Variants in ACACB observed in about 807,000 individuals in gnomAD.
ACACB encodes acetyl-CoA carboxylase beta.
ACACB carries 209 observed loss-of-function variants against 278.8 expected under a neutral mutation model. That is an observed-to-expected ratio of 0.75 (90% CI 0.67 to 0.84). The LOEUF (loss-of-function observed/expected upper bound fraction) is 0.84. Ranked by LOEUF, ACACB falls within the 40% of genes least tolerant of loss-of-function variation. The probability of loss-of-function intolerance (pLI) is 0.00; values close to 1 mark genes in which losing one functional copy is unlikely to be tolerated. For synonymous variants in ACACB, 1,174 were observed against 1,285.6 expected (o/e 0.91, Z 1.86); for missense variants, 2,850 against 3,269.0 (o/e 0.87, Z 3.13).
intron 49 of ACACB, 43 bp downstream of exon 49, chr12:109,262,512 G>A: frequency 7.7e-7 from 1 of 1,303,702 alleles, no homozygotes; most frequent in Non-Finnish European, 1.1e-6. Flanking sequence ...GGTCAAGAGA[G>A]GCCCAGCTGG....
At chr12:109,240,432 A>G (rs183224962) in intron 35 of ACACB, among the ~76,000 whole-genome samples, 4,341 of 152,054 alleles carry the variant, frequency 0.029, 73 homozygotes, top group Middle Eastern at 0.058. Flanking sequence ...TGAGGTGGGT[A>G]GATTGCTTGA....
intron 8 of ACACB, 33 bp from the exon 9 acceptor site, chr12:109,176,120 C>T (rs777225064): frequency 1.2e-6 from 2 of 1,613,334 alleles, no homozygotes; most frequent in Non-Finnish European, 8.5e-7. Context: ...ACTGGCTAAC[C>T]TCTAAAGAGG....
intron 40 of ACACB, 46 bp from the exon 41 acceptor site, chr12:109,249,938 T>C: frequency 6.4e-7 from 1 of 1,563,094 alleles, no homozygotes. Context: ...CACCTTGGAT[T>C]TTTTGGGGCT....
intron 45 of ACACB, among the ~76,000 whole-genome samples, chr12:109,257,631 C>A (rs1224619685): frequency 6.6e-6 from 1 of 152,168 alleles, no homozygotes; most frequent in East Asian, 1.9e-4. Flanking sequence ...AGTGCAGAGG[C>A]ATGATCGCTG....
At chr12:109,256,290 G>A (rs891106648) in intron 45 of ACACB, 54 bp downstream of exon 45, 6 of 1,503,600 alleles carry the variant, frequency 4.0e-6, no homozygotes, top group Middle Eastern at 1.7e-4. Flanking sequence ...AGGCATTGGG[G>A]CCCCGAGGTG....
At chr12:109,210,205 A>C (rs562087386) in intron 21 of ACACB, among the ~76,000 whole-genome samples, 1 of 72,972 alleles carries the variant, frequency 1.4e-5, no homozygotes, top group Non-Finnish European at 2.5e-5. Flanking sequence ...ATATGTATAT[A>C]TGTATATATA....
chr12:109,191,686 C>T lies in ACACB; in HGVS notation c.2218C>T (p.Leu740Phe), dbSNP rs1307369571. The T allele has an allele frequency of 6.2e-7, 1 of 1,614,032 alleles. No individual in the cohort carries two copies. The highest frequency in any genetic ancestry group is 1.1e-5 in the South Asian group (1 of 91,082). ...FRTTVEYLIN[L>F]LETESFQNND... ...GACTACCGTGGAATACCTCATTAAC[C>T]TCCTGGAGACCGAGAGCTTCCAGAA... Residue 740 changes from leucine (L) to phenylalanine (F), a missense_variant, in exon 14 of 53, where the codon CTC becomes TTC. This residue lies in a region of ACACB where 2,265 missense variants were observed against 2,561.3 expected (regional missense o/e 0.88). Coordinates refer to ENST00000338432, the MANE Select transcript of ACACB (RefSeq NM_001093.4).
At chr12:109,122,859 T>A (rs1250085289) in intron 1 of ACACB, among the ~76,000 whole-genome samples, 1 of 151,894 alleles carries the variant, frequency 6.6e-6, no homozygotes, top group East Asian at 1.9e-4. Context: ...ATACCCATTT[T>A]CCCTATATTA....
In ACACB at chr12:109,227,444, G is replaced by A. The variant is rs781720922; in HGVS notation, c.3956G>A (p.Cys1319Tyr). 1 of 1,614,002 alleles carries A rather than the reference G, an allele frequency of 6.2e-7. No homozygotes were observed. Among genetic ancestry groups the A allele is most frequent in the Non-Finnish European group, 8.5e-7 (1 of 1,179,978 alleles). Residue 1319 changes from cysteine to tyrosine, a missense_variant, in exon 28 of 53, where the codon TGC (cysteine) becomes TAC (tyrosine). Coordinates refer to ENST00000338432, the MANE Select transcript of ACACB (RefSeq NM_001093.4). ...CACCGGCAGCTCCCGGACGGCACCT[G>A]CGTGGTAGAATTCCAGTTCATGCTG... Reference protein sequence around the residue: ...LQHRQLPDGTCVVEFQFMLPS... With the variant: ...LQHRQLPDGTYVVEFQFMLPS...
chr12:109,203,359 G>C (rs1383134869), intron 19 of ACACB, among the ~76,000 whole-genome samples: 1 of 152,146 alleles, frequency 6.6e-6, no homozygotes, highest in East Asian at 1.9e-4. Flanking sequence ...TATTGTCCAG[G>C]ATCCCATCCA....
At chr12:109,211,143 C>T (rs2045834499) in intron 21 of ACACB, among the ~76,000 whole-genome samples, 1 of 151,860 alleles carries the variant, frequency 6.6e-6, no homozygotes, top group Non-Finnish European at 1.5e-5. Flanking sequence ...CCATCATCAT[C>T]CACCCACCCA....
intron 19 of ACACB, among the ~76,000 whole-genome samples, chr12:109,206,401 T>C (rs1479647674): frequency 3.7e-5 from 5 of 134,658 alleles, no homozygotes; most frequent in African/African-American, 1.6e-4. Flanking sequence ...GCCACTGCAG[T>C]CCAGCCTGGG....
intron 6 of ACACB, among the ~76,000 whole-genome samples, chr12:109,172,872 G>A (rs567893311): frequency 1.3e-5 from 2 of 152,316 alleles, no homozygotes; most frequent in South Asian, 4.1e-4. Context: ...GAACACGAAT[G>A]TTTATTGCAG....
At chr12:109,200,493 T>C (rs1404145741) in intron 18 of ACACB, among the ~76,000 whole-genome samples, 8 of 152,134 alleles carry the variant, frequency 5.3e-5, no homozygotes, top group Non-Finnish European at 1.0e-4. Flanking sequence ...CAAGAATTGA[T>C]TGATAATAAC....
chr12:109,210,150 T>TGTGTATATGTATATATGTATATAC (rs1555222830), intron 21 of ACACB, among the ~76,000 whole-genome samples: 1 of 56,960 alleles, frequency 1.8e-5, no homozygotes, highest in Non-Finnish European at 3.9e-5. Context: ...TATGTATATA[T>TGTGTATATGTATATATGTATATAC]ACACACGTGT....
At chr12:109,241,679 C>T (rs568279283) in intron 36 of ACACB, 21 of 239,818 alleles carry the variant, frequency 8.8e-5, no homozygotes, top group South Asian at 5.2e-4. Flanking sequence ...TTGTGCACTA[C>T]TGTGGTTGAC....
At chr12:109,227,515 C>A (rs544807035) in intron 28 of ACACB, 26 bp downstream of exon 28, 1 of 1,602,014 alleles carries the variant, frequency 6.2e-7, no homozygotes. Context: ...CACCCAGGGA[C>A]GGCCTGTGTT....
chr12:109,201,484 C>T, intron 18 of ACACB, 83 bp from the exon 19 acceptor site: 1 of 1,544,202 alleles, frequency 6.5e-7, no homozygotes, highest in Non-Finnish European at 8.9e-7. Flanking sequence ...CCGGCGCGTC[C>T]CTGCTCCGGC....
In ACACB at chr12:109,209,358, G is replaced by A. The variant is rs772882266; in HGVS notation, c.3249+5G>A. 19 of 1,605,266 alleles carry A rather than the reference G, an allele frequency of 1.2e-5. No homozygotes were observed. The highest frequency in any genetic ancestry group is 2.1e-4 in the Middle Eastern group (1 of 4,804). On this transcript the variant is annotated splice_donor_5th_base_variant and intron_variant, in intron 21 of 52. Transcript: ENST00000338432. ...TGCCAGTTCCCCAGCCAGCAGGTGC[G>A]TGCTCCCCTGCCCAGCCCCACCCCA...
Sources: allele counts gnomAD v4.1 joint callset (sites outside exome capture counted in the v4.1 genomes callset), GRCh38; gene constraint gnomAD v4.1.1; regional missense constraint gnomAD v4.1.1; transcripts MANE v1.5; gene names NCBI Gene and HGNC (gene_info 2026-07-23, HGNC 2026-07-21).